The following TAFA5 variants were observed in gnomAD, a reference collection of about 807,000 sequenced individuals.
TAFA5 encodes chemokine-like protein TAFA-5.
TAFA5 carries 6 observed loss-of-function variants against 15.3 expected under a neutral mutation model. The ratio of observed to expected loss-of-function variants is 0.39; its 90% confidence interval spans 0.21 to 0.77. The LOEUF (loss-of-function observed/expected upper bound fraction) is 0.77, where lower values mean the gene tolerates loss of function less well. TAFA5 is among the 30% of genes least tolerant of loss of function. The pLI is 0.41. For synonymous variants in TAFA5, 103 were observed against 80.7 expected (o/e 1.28, Z -1.48); for missense variants, 161 against 193.1 (o/e 0.83, Z 0.98).
At chr22:48,546,414 C>T in intron 1 of TAFA5, 1 of 456,076 alleles carries the variant, frequency 2.2e-6, no homozygotes, top group South Asian at 1.6e-5. Context: ...CTTGGAGGTC[C>T]CCGAGTGACC....
rs78390455 is a variant in TAFA5 at position 48,545,465 on chromosome 22, C to G, written c.112+55761C>G. ...TGGATAGCGCAGCACACAGTAGGTGCTTAATGAATGTTTCTGGGTTATGCA... is the reference window on the plus strand; with the variant it reads ...TGGATAGCGCAGCACACAGTAGGTGGTTAATGAATGTTTCTGGGTTATGCA... On this transcript the variant is annotated intron_variant, in intron 1 of 3. Transcript: ENST00000402357. The G allele has an allele frequency of 0.016, 2,641 of 161,694 alleles. 118 individuals carry two copies. In the East Asian group the frequency reaches 0.17, roughly 10 times the overall value. The allele number at this position is 161,694 out of a possible 1,614,324, so 10.0% of individuals were successfully genotyped here. A position where few individuals can be genotyped will look rare whatever the true frequency, so the allele number is the denominator to read the frequency against.
chr22:48,546,764 C>CT, intron 1 of TAFA5: 1 of 359,484 alleles, frequency 2.8e-6, no homozygotes, highest in South Asian at 2.1e-5. Flanking sequence ...GAAAGGCTCA[C>CT]TAGGCCATCC....
intron 2 of TAFA5, among the ~76,000 whole-genome samples, chr22:48,660,660 CTG>C (rs1229163086): frequency 1.3e-5 from 2 of 152,230 alleles, no homozygotes; most frequent in Non-Finnish European, 2.9e-5. Context: ...AGGCAGATGA[CTG>C]GAGCTGCGGA....
At chr22:48,573,053 C>T (rs191796661) in intron 1 of TAFA5, among the ~76,000 whole-genome samples, 6 of 152,328 alleles carry the variant, frequency 3.9e-5, no homozygotes, top group Admixed American at 3.9e-4. Flanking sequence ...CAGAAGGCAC[C>T]CCCTCTGTGG....
At chr22:48,737,637 G>A (rs1930068111) in intron 3 of TAFA5, among the ~76,000 whole-genome samples, 1 of 152,244 alleles carries the variant, frequency 6.6e-6, no homozygotes, top group Admixed American at 6.5e-5. Flanking sequence ...GTTGGAAGTG[G>A]CAGAGCCACG....
At chr22:48,693,269 T>C (rs1432890826) in intron 2 of TAFA5, 1 of 1,572,612 alleles carries the variant, frequency 6.4e-7, no homozygotes, top group South Asian at 1.2e-5. Context: ...CTCAGACCTT[T>C]TCATCCCATA....
intron 3 of TAFA5, among the ~76,000 whole-genome samples, chr22:48,711,689 T>C (rs73175194): frequency 0.066 from 10,116 of 152,300 alleles, 456 homozygotes; most frequent in Admixed American, 0.095. Context: ...TCTCATAACT[T>C]GGCTTTTAGA....
intron 1 of TAFA5, among the ~76,000 whole-genome samples, chr22:48,599,196 C>T (rs1924874991): frequency 2.0e-5 from 3 of 152,158 alleles, no homozygotes. Context: ...ATCTCCAGCC[C>T]CTTTCTGGAG....
intron 2 of TAFA5, among the ~76,000 whole-genome samples, chr22:48,701,235 C>T (rs898870306): frequency 2.6e-5 from 4 of 152,108 alleles, no homozygotes; most frequent in African/African-American, 9.7e-5. Context: ...TGCAGCCGGA[C>T]CTAGAGGTGG....
At chr22:48,549,593 C>G (rs1177056561) in intron 1 of TAFA5, among the ~76,000 whole-genome samples, 1 of 152,228 alleles carries the variant, frequency 6.6e-6, no homozygotes, top group East Asian at 1.9e-4. Context: ...GCGCAGGTGC[C>G]TCCCAAGGGA....
intron 3 of TAFA5, among the ~76,000 whole-genome samples, chr22:48,710,258 A>G (rs1398251717): frequency 1.3e-5 from 2 of 152,176 alleles, no homozygotes; most frequent in Non-Finnish European, 2.9e-5. Context: ...GCACACTGGT[A>G]AGTGGGGGAC....
chr22:48,585,241 C>T (rs1190069847), intron 1 of TAFA5, among the ~76,000 whole-genome samples: 2 of 151,228 alleles, frequency 1.3e-5, no homozygotes, highest in African/African-American at 4.9e-5. Context: ...ATACCACATA[C>T]ACAACATACA....
At chr22:48,698,774 C>A (rs148695488) in intron 2 of TAFA5, among the ~76,000 whole-genome samples, 2 of 65,730 alleles carry the variant, frequency 3.0e-5, no homozygotes, top group Non-Finnish European at 7.1e-5. Flanking sequence ...GGGTGCAGCC[C>A]GTCTGGGCTC....
At chr22:48,573,786 A>G (rs1923666609) in intron 1 of TAFA5, among the ~76,000 whole-genome samples, 1 of 152,116 alleles carries the variant, frequency 6.6e-6, no homozygotes. Flanking sequence ...TTCCAATTGT[A>G]GTTCTTAAAT....
chr22:48,614,085 G>A (rs1317269233), intron 1 of TAFA5, among the ~76,000 whole-genome samples: 3 of 152,332 alleles, frequency 2.0e-5, no homozygotes, highest in South Asian at 2.1e-4. Context: ...CCCGGCCGAC[G>A]GGTGTTATCT....
Position 48,749,991 on chromosome 22 carries a change from C to T in TAFA5, c.*144C>T, listed in dbSNP as rs150060180. 4,384 of 819,462 alleles carry T rather than the reference C, an allele frequency of 5.3e-3. 37 individuals are homozygous for T. The highest frequency in any genetic ancestry group is 0.015 in the South Asian group (956 of 62,660). The allele number at this position is 819,462 out of a possible 1,614,324, so 50.8% of individuals were successfully genotyped here. On this transcript the variant is annotated 3_prime_UTR_variant, in exon 4 of 4. Transcript: ENST00000402357. ...TTTCCCTGTGGTCCGTGAAGGACGGCCTCAGGCCTTGGCATCCTGAGCTTC... is the reference window on the plus strand; with the variant it reads ...TTTCCCTGTGGTCCGTGAAGGACGGTCTCAGGCCTTGGCATCCTGAGCTTC...
At chr22:48,714,992 A>G (rs532872777) in intron 3 of TAFA5, among the ~76,000 whole-genome samples, 7 of 152,286 alleles carry the variant, frequency 4.6e-5, no homozygotes, top group African/African-American at 1.7e-4. Flanking sequence ...CCCTTTTCTT[A>G]TAAACACTCC....
chr22:48,610,380 C>T (rs569748306), intron 1 of TAFA5, among the ~76,000 whole-genome samples: 16 of 152,380 alleles, frequency 1.1e-4, no homozygotes, highest in South Asian at 8.3e-4. Context: ...TGTGAAGTCA[C>T]GAGGTCCTCG....
At chr22:48,740,083 C>T (rs554997119) in intron 3 of TAFA5, among the ~76,000 whole-genome samples, 54 of 152,336 alleles carry the variant, frequency 3.5e-4, no homozygotes, top group African/African-American at 1.3e-3. Context: ...TCCCAGCTGG[C>T]TTGTCCTTAA....
Sources: allele counts gnomAD v4.1 joint callset (sites outside exome capture counted in the v4.1 genomes callset), GRCh38; gene constraint gnomAD v4.1.1; transcripts MANE v1.5; gene names NCBI Gene and HGNC (gene_info 2026-07-23, HGNC 2026-07-21).